The following CAMKMT variants were observed in gnomAD, a reference collection of about 807,000 sequenced individuals.
The protein encoded by CAMKMT is calmodulin-lysine N-methyltransferase, also known as CaM KMT.
In CAMKMT, 53 loss-of-function variants were observed where a neutral mutation model predicts 48.0. That is an observed-to-expected ratio of 1.10 (90% confidence interval 0.89 to 1.39). The LOEUF (loss-of-function observed/expected upper bound fraction) is 1.39. Among genes scored for constraint, CAMKMT ranks in the 40% most tolerant of loss-of-function variants. The pLI is 0.00. For missense variants in CAMKMT, 428 were observed against 402.7 expected (o/e 1.06, Z -0.54); for synonymous variants, 165 against 152.3 (o/e 1.08, Z -0.61).
At chr2:44,522,205 C>T (rs2104800229) in intron 3 of CAMKMT, among the ~76,000 whole-genome samples, 1 of 152,182 alleles carries the variant, frequency 6.6e-6, no homozygotes, top group African/African-American at 2.4e-5. Flanking sequence ...TGGGGTTTCA[C>T]TGTATTAGCC....
chr2:44,530,599 T>C (rs1025522837), intron 3 of CAMKMT, among the ~76,000 whole-genome samples: 3 of 152,146 alleles, frequency 2.0e-5, no homozygotes, highest in African/African-American at 7.2e-5. Context: ...TCGGGTACTT[T>C]TAAGGTTCTT....
At chr2:44,441,362 T>A (rs1357870750) in intron 3 of CAMKMT, among the ~76,000 whole-genome samples, 1 of 152,160 alleles carries the variant, frequency 6.6e-6, no homozygotes, top group Non-Finnish European at 1.5e-5. Context: ...GGATAACAAG[T>A]GAGTTACAGG....
chr2:44,518,371 A>G (rs547649690), intron 3 of CAMKMT, among the ~76,000 whole-genome samples: 4 of 152,298 alleles, frequency 2.6e-5, no homozygotes, highest in African/African-American at 9.6e-5. Context: ...TATGTTGTAT[A>G]TTAATGTGAT....
intron 3 of CAMKMT, among the ~76,000 whole-genome samples, chr2:44,501,216 A>G (rs879596533): frequency 6.6e-6 from 1 of 151,950 alleles, no homozygotes; most frequent in Non-Finnish European, 1.5e-5. Flanking sequence ...TCTTTCTGCA[A>G]TGGTAGGTTT....
At chr2:44,723,488 G>A (rs1038512322) in intron 7 of CAMKMT, among the ~76,000 whole-genome samples, 10 of 152,056 alleles carry the variant, frequency 6.6e-5, no homozygotes, top group African/African-American at 1.9e-4. Flanking sequence ...CTACTTGGGA[G>A]GCTGAGGCAG....
chr2:44,629,433 C>CTTTTTTTTT (rs897761983), intron 3 of CAMKMT, among the ~76,000 whole-genome samples: 31 of 125,300 alleles, frequency 2.5e-4, no homozygotes, highest in Non-Finnish European at 3.4e-4. Flanking sequence ...TTCTTTCTTT[C>CTTTTTTTTT]TTTTTTTTTT....
At chr2:44,503,497 C>T (rs1396295833) in intron 3 of CAMKMT, among the ~76,000 whole-genome samples, 3 of 152,112 alleles carry the variant, frequency 2.0e-5, no homozygotes, top group African/African-American at 4.8e-5. Flanking sequence ...AGAGAAATTA[C>T]AGCAGGCTTG....
intron 3 of CAMKMT, chr2:44,456,620 T>C (rs1009744476): frequency 1.3e-6 from 2 of 1,548,084 alleles, no homozygotes; most frequent in Non-Finnish European, 1.7e-6. Context: ...AACTCTTCCT[T>C]TTTTGTTTAA....
intron 2 of CAMKMT, among the ~76,000 whole-genome samples, chr2:44,386,845 G>T (rs1252795737): frequency 6.6e-6 from 1 of 152,070 alleles, no homozygotes; most frequent in African/African-American, 2.4e-5. Context: ...TTTTGGAGTT[G>T]ATTTCCACTT....
chr2:44,571,701 A>T (rs2103737142), intron 3 of CAMKMT, among the ~76,000 whole-genome samples: 1 of 152,228 alleles, frequency 6.6e-6, no homozygotes, highest in South Asian at 2.1e-4. Flanking sequence ...AAGCCGGGTG[A>T]GGTGGCCTAT....
chr2:44,616,329 A>G (rs1671887046), intron 3 of CAMKMT, among the ~76,000 whole-genome samples: 1 of 152,186 alleles, frequency 6.6e-6, no homozygotes, highest in Non-Finnish European at 1.5e-5. Flanking sequence ...TCACGTACCA[A>G]CTTTTAGACC....
chr2:44,386,069 G>A (rs1680752082), intron 2 of CAMKMT, among the ~76,000 whole-genome samples: 2 of 151,984 alleles, frequency 1.3e-5, no homozygotes, highest in Non-Finnish European at 2.9e-5. Flanking sequence ...TTCTTTCAAT[G>A]TCTGGTAGAA....
At chr2:44,393,644 C>T (rs1343107470) in intron 3 of CAMKMT, 5 of 152,184 alleles carry the variant, frequency 3.3e-5, no homozygotes, top group Non-Finnish European at 7.3e-5. Context: ...CCCAGAAAGA[C>T]ATGCTGACAA....
At chr2:44,397,934 C>T (rs931346437) in intron 3 of CAMKMT, among the ~76,000 whole-genome samples, 3 of 152,150 alleles carry the variant, frequency 2.0e-5, no homozygotes, top group African/African-American at 7.2e-5. Context: ...CTGCTAGTTT[C>T]TCCCTCTTTT....
intron 3 of CAMKMT, among the ~76,000 whole-genome samples, chr2:44,571,714 T>C (rs1173115754): frequency 6.6e-6 from 1 of 152,076 alleles, no homozygotes; most frequent in Non-Finnish European, 1.5e-5. Context: ...TGGCCTATGT[T>C]TGTAGTCCCG....
At chr2:44,501,808 T>C (rs1223429021) in intron 3 of CAMKMT, among the ~76,000 whole-genome samples, 1 of 146,640 alleles carries the variant, frequency 6.8e-6, no homozygotes, top group African/African-American at 2.5e-5. Context: ...AGCCCAGGAG[T>C]TGGAGTTGAA....
chr2:44,461,934 A>T (rs1313307507), intron 3 of CAMKMT, among the ~76,000 whole-genome samples: 1 of 152,108 alleles, frequency 6.6e-6, no homozygotes, highest in Non-Finnish European at 1.5e-5. Context: ...TCGAGCTCAT[A>T]CTGTGTTCTT....
intron 6 of CAMKMT, among the ~76,000 whole-genome samples, chr2:44,709,244 C>T (rs1277810182): frequency 6.6e-6 from 1 of 152,120 alleles, no homozygotes; most frequent in Admixed American, 6.6e-5. Flanking sequence ...CCTGAGAGTG[C>T]TTTATTGTGC....
At chr2:44,595,811 A>G (rs938435084) in intron 3 of CAMKMT, among the ~76,000 whole-genome samples, 6 of 152,202 alleles carry the variant, frequency 3.9e-5, no homozygotes, top group Non-Finnish European at 5.9e-5. Context: ...GCTGTAAAAA[A>G]GGATGAATTC....
Sources: allele counts gnomAD v4.1 joint callset (sites outside exome capture counted in the v4.1 genomes callset), GRCh38; gene constraint gnomAD v4.1.1; transcripts MANE v1.5; gene names NCBI Gene and HGNC (gene_info 2026-07-23, HGNC 2026-07-21).